MTMR7: variants seen among roughly 807,000 people sequenced by gnomAD.
MTMR7 encodes the protein myotubularin related protein 7, also known as phosphatidylinositol-3-phosphate phosphatase MTMR7.
MTMR7 carries 76 observed loss-of-function variants against 81.2 expected under a neutral mutation model. The observed-to-expected ratio is 0.94, with a 90% confidence interval of 0.78 to 1.13. The LOEUF (loss-of-function observed/expected upper bound fraction) is 1.13. Ranked by LOEUF, MTMR7 falls within the 50% of genes most tolerant of loss-of-function variation. The pLI is 0.00. For synonymous variants in MTMR7, 372 were observed against 289.8 expected, an observed-to-expected ratio of 1.28 and a Z score of -2.88; for missense variants, 1,044 against 820.0, an observed-to-expected ratio of 1.27 and a Z score of -3.34.
Position 17,349,008 on chromosome 8 carries a change from T to C in MTMR7, c.542A>G (p.Lys181Arg), listed in dbSNP as rs1273412569. 5 of 1,613,266 alleles carry C rather than the reference T, an allele frequency of 3.1e-6. No homozygotes were observed. Among genetic ancestry groups the C allele is most frequent in the Non-Finnish European group, 4.2e-6 (5 of 1,179,940 alleles). Residue 181 changes from lysine to arginine, a missense_variant, in exon 5 of 14, where the codon AAA (lysine) becomes AGA (arginine). Lys to Arg is a conservative substitution (Grantham distance 26). Coordinates refer to ENST00000180173, the MANE Select transcript of MTMR7 (RefSeq NM_004686.5). ...ATAHIIVGSS[K>R]FRSRRRFPVL... ...AGGAAATCGCCGTCTACTCCGGAAT[T>C]TGGAACTCCCCACTATGATGTGTGC...
chr8:17,365,104 T>C (rs1820185555), intron 3 of MTMR7, among the ~76,000 whole-genome samples: 1 of 152,228 alleles, frequency 6.6e-6, no homozygotes, highest in African/African-American at 2.4e-5. Flanking sequence ...TTGGTAAAGG[T>C]CATTCTAACA....
At chr8:17,321,013 A>G (rs952471260) in intron 7 of MTMR7, among the ~76,000 whole-genome samples, 2 of 151,916 alleles carry the variant, frequency 1.3e-5, no homozygotes, top group African/African-American at 4.8e-5. Flanking sequence ...TTTTTACTGA[A>G]CAGGCCAAAC....
At chr8:17,360,723 G>A (rs567769195) in intron 4 of MTMR7, among the ~76,000 whole-genome samples, 1 of 151,994 alleles carries the variant, frequency 6.6e-6, no homozygotes, top group South Asian at 2.1e-4. Context: ...TGAGTACATA[G>A]AGGAGCCGGT....
intron 7 of MTMR7, among the ~76,000 whole-genome samples, chr8:17,330,740 T>C (rs150862837): frequency 1.4e-4 from 22 of 152,268 alleles, no homozygotes; most frequent in African/African-American, 5.3e-4. Flanking sequence ...TCCGATATTC[T>C]CCCTTCGAAT....
chr8:17,311,836 C>T, intron 8 of MTMR7, 200 bp from the exon 9 acceptor site: 1 of 708,178 alleles, frequency 1.4e-6, no homozygotes, highest in South Asian at 1.8e-5. Context: ...TTTCCCTTCC[C>T]ATTCTATCCA....
intron 2 of MTMR7, among the ~76,000 whole-genome samples, chr8:17,372,195 G>C (rs35827226): frequency 0.35 from 53,074 of 152,034 alleles, 11,236 homozygotes; most frequent in Middle Eastern, 0.48. Flanking sequence ...CCACTAAGAA[G>C]TGCCTGCCAC....
chr8:17,338,719 C>T (rs1248686685), intron 6 of MTMR7: 1 of 138,326 alleles, frequency 7.2e-6, no homozygotes, highest in Non-Finnish European at 1.5e-5. Context: ...AATCTTCCAG[C>T]AAAGGAGCTA....
chr8:17,328,179 T>G (rs1263889905), intron 7 of MTMR7, among the ~76,000 whole-genome samples: 1 of 152,142 alleles, frequency 6.6e-6, no homozygotes, highest in Non-Finnish European at 1.5e-5. Flanking sequence ...GAGGAAGATG[T>G]CCCTGTTGCT....
intron 4 of MTMR7, among the ~76,000 whole-genome samples, chr8:17,358,141 G>T (rs1443773843): frequency 6.6e-6 from 1 of 152,044 alleles, no homozygotes; most frequent in Admixed American, 6.6e-5. Flanking sequence ...AAGATTTTCA[G>T]ATTGAGTAAA....
chr8:17,404,530 G>T (rs893020593), intron 1 of MTMR7, among the ~76,000 whole-genome samples: 2 of 149,038 alleles, frequency 1.3e-5, no homozygotes, highest in Non-Finnish European at 3.0e-5. Flanking sequence ...ACAAACAATT[G>T]CAAAAAATAA....
intron 1 of MTMR7, among the ~76,000 whole-genome samples, chr8:17,407,387 G>A (rs1181905292): frequency 2.6e-5 from 4 of 152,076 alleles, no homozygotes; most frequent in Non-Finnish European, 4.4e-5. Flanking sequence ...TTCTATTAAT[G>A]AAAGTGTTAA....
chr8:17,307,529 T>C (rs1041424115), intron 10 of MTMR7, among the ~76,000 whole-genome samples: 4 of 152,126 alleles, frequency 2.6e-5, no homozygotes, highest in African/African-American at 9.7e-5. Context: ...AGCCATCCCA[T>C]TACTGGGTAT....
chr8:17,395,381 G>A (rs1257551031), intron 1 of MTMR7, among the ~76,000 whole-genome samples: 3 of 152,088 alleles, frequency 2.0e-5, no homozygotes, highest in Non-Finnish European at 1.5e-5. Flanking sequence ...TATGAACATG[G>A]GCATACCAGT....
At chr8:17,309,216 GAA>G (rs1817654035) in intron 10 of MTMR7, 59 bp downstream of exon 10, 2 of 1,137,060 alleles carry the variant, frequency 1.8e-6, no homozygotes, top group Admixed American at 4.3e-5. Context: ...ATATTCAATT[GAA>G]ATTTTCAGAA....
chr8:17,410,079 G>C (rs1227278184), intron 1 of MTMR7, among the ~76,000 whole-genome samples: 1 of 152,078 alleles, frequency 6.6e-6, no homozygotes, highest in Non-Finnish European at 1.5e-5. Flanking sequence ...GAAGTAGCAT[G>C]ATCAATTTGA....
chr8:17,374,411 A>C (rs996979273), intron 1 of MTMR7, among the ~76,000 whole-genome samples: 1 of 151,518 alleles, frequency 6.6e-6, no homozygotes, highest in African/African-American at 2.4e-5. Context: ...TCACGAGGTA[A>C]AGAGATCGAG....
At chr8:17,342,150 C>A (rs1273862109) in intron 5 of MTMR7, among the ~76,000 whole-genome samples, 1 of 152,124 alleles carries the variant, frequency 6.6e-6, no homozygotes, top group Non-Finnish European at 1.5e-5. Context: ...GCAATTCTGA[C>A]AGAGTAGATT....
In MTMR7 at chr8:17,300,094, C is replaced by T. The variant is rs760329234; in HGVS notation, c.1751G>A (p.Gly584Glu). 17 of 1,614,132 alleles carry T rather than the reference C, an allele frequency of 1.1e-5. No homozygotes were observed. The highest frequency in any genetic ancestry group is 1.4e-5 in the Non-Finnish European group (16 of 1,180,014). The change falls in exon 14 of 14, where the codon GGG (glycine) becomes GAG (glutamate). Residue 584 changes from glycine (G) to glutamate (E), a missense_variant. Transcript: ENST00000180173. Reference protein sequence around the residue: ...SIANTPQDYSGNMKSFPSRSP... With the variant: ...SIANTPQDYSENMKSFPSRSP... ...CCGGGATGGAAATGATTTCATATTC[C>T]CACTGTAATCCTGGGGAGTGTTGGC...
intron 10 of MTMR7, among the ~76,000 whole-genome samples, chr8:17,306,485 G>C (rs1232657155): frequency 6.6e-6 from 1 of 152,048 alleles, no homozygotes; most frequent in African/African-American, 2.4e-5. Context: ...TGTGACGACA[G>C]ATTCCACATG....
Sources: allele counts gnomAD v4.1 joint callset (sites outside exome capture counted in the v4.1 genomes callset), GRCh38; gene constraint gnomAD v4.1.1; transcripts MANE v1.5; gene names NCBI Gene and HGNC (gene_info 2026-07-23, HGNC 2026-07-21).